The following IMPG2 variants were observed in gnomAD, a reference collection of about 807,000 sequenced individuals.
IMPG2 encodes IPM 200.
Under a neutral mutation model 129.2 loss-of-function variants are expected in IMPG2, and 91 were observed. That is an observed-to-expected ratio of 0.70 (90% CI 0.59 to 0.84). The LOEUF is 0.84. Among genes scored for constraint, IMPG2 ranks in the 40% least tolerant of loss-of-function variants. The pLI is 0.00. For missense variants in IMPG2, 1,430 were observed against 1,461.7 expected (o/e 0.98, Z 0.35); for synonymous variants, 510 against 517.7 (o/e 0.99, Z 0.20).
chr3:101,256,645 T>C lies in IMPG2; in HGVS notation c.1153+884A>G, dbSNP rs563901963. Among the ~76,000 whole-genome samples, 25 of 152,250 alleles carry C rather than the reference T, an allele frequency of 1.6e-4. 2 individuals are homozygous for C. The East Asian group carries it at 4.6e-3, about 28-fold the overall frequency. ...CTGGAAGGACAGGACAGAGGCTCTT[T>C]CCTCTTTAAAATGTGTGGGAGCTAG... On this transcript the variant is annotated intron_variant, in intron 10 of 18. Transcript: ENST00000193391.
At chr3:101,264,838 TG>T (rs1553682872) in intron 9 of IMPG2, among the ~76,000 whole-genome samples, 4 of 151,940 alleles carry the variant, frequency 2.6e-5, no homozygotes, top group Non-Finnish European at 1.5e-5. Flanking sequence ...ATTTAATGAA[TG>T]AATTTAGTAA....
intron 4 of IMPG2, among the ~76,000 whole-genome samples, chr3:101,288,726 A>T (rs1222772423): frequency 6.6e-6 from 1 of 151,968 alleles, no homozygotes; most frequent in East Asian, 1.9e-4. Context: ...GGGTTGAAAA[A>T]CTACATATTG....
At chr3:101,305,381 A>G (rs1372167465) in intron 2 of IMPG2, among the ~76,000 whole-genome samples, 2 of 152,106 alleles carry the variant, frequency 1.3e-5, no homozygotes, top group Non-Finnish European at 2.9e-5. Context: ...CAGTGAGAGT[A>G]CTCCATATGA....
At position 101,270,663 on chromosome 3, in the gene IMPG2, GGTGGTGGGCGCCTGTA is replaced by G. The variant is rs372475686; in HGVS notation, c.829-1106_829-1091del. The stretch of plus-strand genomic sequence containing the variant: ...AAAATACAAAAAATCAGCCAGGCGT[GGTGGTGGGCGCCTGTA>G]GTCCCAGCTAGGCGGGAGGCTGAGG... On this transcript the variant is annotated intron_variant, in intron 7 of 18. Transcript: ENST00000193391. 7.9e-5 allele frequency among the ~76,000 whole-genome samples: 12 copies of G among 152,176 alleles called. 1 individual carries two copies. The highest frequency in any genetic ancestry group is 2.9e-4 in the African/African-American group (12 of 41,534).
intron 8 of IMPG2, 139 bp from the exon 9 acceptor site, chr3:101,267,670 C>A: frequency 2.8e-6 from 2 of 723,968 alleles, no homozygotes; most frequent in Non-Finnish European, 4.8e-6. Flanking sequence ...CTGACAAATT[C>A]CTATGGATTG....
chr3:101,262,369 G>A (rs1706679485), intron 9 of IMPG2, among the ~76,000 whole-genome samples: 1 of 151,934 alleles, frequency 6.6e-6, no homozygotes, highest in Non-Finnish European at 1.5e-5. Flanking sequence ...GAGAGAGAGA[G>A]AAACGGTATG....
chr3:101,249,365 G>A (rs1272469271), intron 11 of IMPG2, among the ~76,000 whole-genome samples: 5 of 151,928 alleles, frequency 3.3e-5, no homozygotes, highest in Non-Finnish European at 2.9e-5. Context: ...AAAGTGATTA[G>A]ACAATCCAAA....
rs1324212565 is a variant in IMPG2, at chr3:101,244,005, T to C, written c.2326A>G (p.Ile776Val). ...CAAACTCTCTCTGATTCTGGCAATA[T>C]AGTCCACAAAGTTTGCATATCTGGC... is the stretch of plus-strand genomic sequence containing the variant. ...VKPDMQTLWT[I>V]LPESERVWTR... The change falls in exon 13 of 19, where the codon ATA becomes GTA. Residue 776 changes from isoleucine (I) to valine (V), a missense_variant. Physicochemically the swap from Ile to Val is conservative, Grantham distance 29 (BLOSUM62 3). Transcript: ENST00000193391. The C allele has an allele frequency of 6.2e-6, 10 of 1,614,078 alleles. No individual in the cohort carries two copies. Among genetic ancestry groups the C allele is most frequent in the South Asian group, 3.3e-5 (3 of 91,092 alleles).
chr3:101,232,646 G>A (rs558279581), intron 15 of IMPG2, 135 bp downstream of exon 15: 24 of 712,022 alleles, frequency 3.4e-5, no homozygotes, highest in African/African-American at 2.8e-4. Flanking sequence ...CAGTTAGATG[G>A]CTCCCATCTA....
intron 2 of IMPG2, among the ~76,000 whole-genome samples, chr3:101,312,921 C>T (rs1356588952): frequency 1.3e-5 from 2 of 151,852 alleles, no homozygotes; most frequent in Admixed American, 1.3e-4. Context: ...TTTACTTAGG[C>T]CTGGGAAGAG....
chr3:101,290,027 C>T (rs542680048), intron 4 of IMPG2, among the ~76,000 whole-genome samples: 46 of 151,634 alleles, frequency 3.0e-4, no homozygotes, highest in African/African-American at 9.7e-4. Context: ...GATATAGCTT[C>T]GGGCACGATG....
At chr3:101,257,465 G>A (rs551760893) in intron 10 of IMPG2, 64 bp downstream of exon 10, 2 of 1,589,718 alleles carry the variant, frequency 1.3e-6, no homozygotes, top group African/African-American at 2.7e-5. Flanking sequence ...CAGGAAATTA[G>A]TTTACACCAG....
intron 4 of IMPG2, among the ~76,000 whole-genome samples, chr3:101,280,922 C>T (rs1387098715): frequency 1.3e-5 from 2 of 151,538 alleles, no homozygotes; most frequent in Non-Finnish European, 2.9e-5. Flanking sequence ...GCACTCCAGC[C>T]TGGGTGACAG....
chr3:101,229,318 CT>C, intron 17 of IMPG2, 61 bp downstream of exon 17: 1 of 1,136,280 alleles, frequency 8.8e-7, no homozygotes, highest in Non-Finnish European at 1.3e-6. Flanking sequence ...CCACCACCCC[CT>C]GCTCCCCCAC....
At chr3:101,305,815 T>C (rs1465028476) in intron 2 of IMPG2, among the ~76,000 whole-genome samples, 3 of 152,212 alleles carry the variant, frequency 2.0e-5, no homozygotes, top group Non-Finnish European at 4.4e-5. Flanking sequence ...GGCTGCTAAA[T>C]AGTATCTCTG....
Position 101,293,628 on chromosome 3 carries a change from T to C in IMPG2, c.502-2118A>G, listed in dbSNP as rs759189113. On this transcript the variant is annotated intron_variant, in intron 3 of 18. Transcript: ENST00000193391. The stretch of plus-strand genomic sequence containing the variant: ...AACAAGAAATTCAGTCTGTCCTTCA[T>C]TGAAGCCAGGTATTGACTTCTCTCT... Among the ~76,000 whole-genome samples the C allele has an allele frequency of 2.2e-4, 33 of 152,350 alleles. 1 individual carries two copies. The South Asian group carries it at 2.3e-3, about 11-fold the overall frequency.
At position 101,287,670 on chromosome 3, in the gene IMPG2, G is replaced by A. The variant is rs1334432793; in HGVS notation, c.533+3809C>T. Among the ~76,000 whole-genome samples the A allele has an allele frequency of 2.0e-5, 3 of 152,072 alleles. No individual in the cohort carries two copies. The East Asian group carries it at 5.8e-4, about 29-fold the overall frequency. On this transcript the variant is annotated intron_variant, in intron 4 of 18. Coordinates refer to ENST00000193391, the MANE Select transcript of IMPG2 (RefSeq NM_016247.4). The stretch of plus-strand genomic sequence containing the variant: ...CTTCCCATTCAATAAATGCTGCTGG[G>A]ATAACTGGCTAGCCATATGTAGAAT...
chr3:101,319,519 C>G, intron 2 of IMPG2, 65 bp downstream of exon 2: 1 of 1,588,964 alleles, frequency 6.3e-7, no homozygotes, highest in Non-Finnish European at 8.6e-7. Context: ...ACAATGTTAC[C>G]TAACAAATGA....
At chr3:101,295,621 G>A (rs577726426) in intron 3 of IMPG2, among the ~76,000 whole-genome samples, 1 of 152,218 alleles carries the variant, frequency 6.6e-6, no homozygotes, top group East Asian at 1.9e-4. Context: ...TTGATGGGAA[G>A]AGCATTGAGT....
Sources: gnomAD v4.1 joint callset for allele counts (sites outside exome capture counted in the v4.1 genomes callset) on GRCh38, gnomAD v4.1.1 for gene constraint, MANE v1.5 for transcripts, NCBI Gene and HGNC (gene_info 2026-07-23, HGNC 2026-07-21) for gene names.